Variants in AFAP1L2 observed in about 807,000 individuals in gnomAD.
The protein encoded by AFAP1L2 is actin filament-associated protein 1-like 2.
Under a neutral mutation model 99.3 loss-of-function variants are expected in AFAP1L2, and 46 were observed. That is an observed-to-expected ratio of 0.46 (90% CI 0.37 to 0.59). The LOEUF (loss-of-function observed/expected upper bound fraction) is 0.59, where lower values mean the gene tolerates loss of function less well. Among genes scored for constraint, AFAP1L2 ranks in the 20% least tolerant of loss-of-function variants. The pLI is 0.00. For synonymous variants in AFAP1L2, 397 were observed against 419.1 expected, an observed-to-expected ratio of 0.95 and a Z score of 0.64; for missense variants, 959 against 1,034.9, an observed-to-expected ratio of 0.93 and a Z score of 1.01.
intron 1 of AFAP1L2, among the ~76,000 whole-genome samples, chr10:114,395,727 G>A (rs2138196208): frequency 6.6e-6 from 1 of 152,232 alleles, no homozygotes; most frequent in East Asian, 1.9e-4. Context: ...GTGTGCCCAG[G>A]CAGCCCAGGG....
chr10:114,333,857 G>A (rs1218156760), intron 2 of AFAP1L2, among the ~76,000 whole-genome samples: 1 of 152,136 alleles, frequency 6.6e-6, no homozygotes, highest in African/African-American at 2.4e-5. Context: ...TTCAAGATCT[G>A]CCTTGTATTC....
At chr10:114,308,309 T>A in intron 9 of AFAP1L2, 124 bp downstream of exon 9, 1 of 785,320 alleles carries the variant, frequency 1.3e-6, no homozygotes, top group Non-Finnish European at 2.1e-6. Context: ...AACAGCAGTA[T>A]TTCCGAGTGG....
intron 1 of AFAP1L2, among the ~76,000 whole-genome samples, chr10:114,349,452 G>A (rs1225770310): frequency 6.6e-6 from 1 of 150,896 alleles, no homozygotes; most frequent in Non-Finnish European, 1.5e-5. Flanking sequence ...AGCCAGGTGT[G>A]GTGGCATGCA....
At chr10:114,382,115 T>G (rs2055709446) in intron 1 of AFAP1L2, among the ~76,000 whole-genome samples, 1 of 152,228 alleles carries the variant, frequency 6.6e-6, no homozygotes, top group Non-Finnish European at 1.5e-5. Context: ...GTAACATCTT[T>G]GCAAATTGTA....
intron 1 of AFAP1L2, among the ~76,000 whole-genome samples, chr10:114,368,725 T>G (rs1203077400): frequency 6.6e-6 from 1 of 151,358 alleles, no homozygotes; most frequent in East Asian, 1.9e-4. Flanking sequence ...AATGTATTGT[T>G]TACTTGAAAT....
intron 7 of AFAP1L2, among the ~76,000 whole-genome samples, chr10:114,313,068 T>G (rs1590058893): frequency 7.3e-6 from 1 of 137,742 alleles, no homozygotes; most frequent in Non-Finnish European, 1.5e-5. Context: ...TGGGGTGGGG[T>G]GCGGGGTGGA....
intron 1 of AFAP1L2, chr10:114,363,283 C>G (rs1172140198): frequency 3.2e-6 from 2 of 633,818 alleles, no homozygotes; most frequent in East Asian, 1.4e-4. Flanking sequence ...TAACATGTAG[C>G]CTGCAGAATT....
intron 1 of AFAP1L2, among the ~76,000 whole-genome samples, chr10:114,346,665 C>T (rs983144873): frequency 6.6e-5 from 10 of 152,232 alleles, no homozygotes; most frequent in Admixed American, 3.9e-4. Flanking sequence ...GTCTCTTCCT[C>T]GTCCTCCTGT....
intron 1 of AFAP1L2, among the ~76,000 whole-genome samples, chr10:114,394,280 T>C (rs146411064): frequency 2.0e-3 from 298 of 152,270 alleles, no homozygotes; most frequent in African/African-American, 6.8e-3. Flanking sequence ...AGTGAACAAA[T>C]TCCATTGAGG....
chr10:114,301,795 T>G, intron 12 of AFAP1L2: 1 of 360,156 alleles, frequency 2.8e-6, no homozygotes, highest in Non-Finnish European at 5.2e-6. Context: ...AAACCCCTTC[T>G]CATTTCATCT....
the AFAP1L2 span, among the ~76,000 whole-genome samples, chr10:114,285,400 A>G: frequency 6.6e-6 from 1 of 152,256 alleles, no homozygotes; most frequent in African/African-American, 2.4e-5. Flanking sequence ...GGTGGTTGAG[A>G]GTTTTAAATA....
the AFAP1L2 span, chr10:114,281,392 G>A: frequency 1.3e-5 from 2 of 152,318 alleles, no homozygotes; most frequent in Non-Finnish European, 2.9e-5. Context: ...TGGAGTCATG[G>A]TCAGGGTTTG....
intron 1 of AFAP1L2, among the ~76,000 whole-genome samples, chr10:114,391,221 C>T (rs1179303241): frequency 3.3e-5 from 5 of 151,200 alleles, no homozygotes; most frequent in Non-Finnish European, 7.4e-5. Context: ...TCTTTCTTTT[C>T]TTTTTTTCTT....
intron 7 of AFAP1L2, among the ~76,000 whole-genome samples, chr10:114,313,020 C>T (rs986059956): frequency 5.9e-5 from 9 of 151,752 alleles, no homozygotes; most frequent in Admixed American, 2.0e-4. Context: ...CTGACAGGCT[C>T]GCCAAGGTGG....
chr10:114,294,871 A>C lies in AFAP1L2; in HGVS notation c.*1171T>G. 1 of 982,884 alleles carries C rather than the reference A, an allele frequency of 1.0e-6. No homozygotes were observed. The highest frequency in any genetic ancestry group is 1.2e-6 in the Non-Finnish European group (1 of 827,358). The allele number at this position is 982,884 out of a possible 1,614,324, so 60.9% of individuals were successfully genotyped here. A position where few individuals can be genotyped will look rare whatever the true frequency, so the allele number is the denominator to read the frequency against. On this transcript the variant is annotated 3_prime_UTR_variant, in exon 19 of 19. Transcript: ENST00000304129. ...TTTTAAAAAACCTAACTAACTCACC[A>C]CTTGGTAAAAGGTCACCAAATGTTT... is the stretch of plus-strand genomic sequence containing the variant.
chr10:114,376,279 A>G (rs1269345751), intron 1 of AFAP1L2, among the ~76,000 whole-genome samples: 2 of 152,224 alleles, frequency 1.3e-5, no homozygotes, highest in East Asian at 3.9e-4. Context: ...CTATGACCAG[A>G]CCTTGTGCTC....
At chr10:114,327,437 CTG>C (rs1482781549) in intron 4 of AFAP1L2, among the ~76,000 whole-genome samples, 2 of 151,728 alleles carry the variant, frequency 1.3e-5, no homozygotes, top group East Asian at 3.9e-4. Flanking sequence ...TACAGGAAGA[CTG>C]TGAATATTAA....
intron 1 of AFAP1L2, among the ~76,000 whole-genome samples, chr10:114,386,031 T>G: frequency 6.6e-6 from 1 of 151,834 alleles, no homozygotes; most frequent in East Asian, 1.9e-4. Flanking sequence ...CACTACCAGA[T>G]GTGGGCAGCC....
At chr10:114,384,000 C>T (rs191738369) in intron 1 of AFAP1L2, among the ~76,000 whole-genome samples, 11 of 152,194 alleles carry the variant, frequency 7.2e-5, no homozygotes, top group African/African-American at 1.4e-4. Context: ...CTGCCCCTAG[C>T]GCTTCTCCCT....
Sources: gnomAD v4.1 joint callset for allele counts (sites outside exome capture counted in the v4.1 genomes callset) on GRCh38, gnomAD v4.1.1 for gene constraint, MANE v1.5 for transcripts, NCBI Gene and HGNC (gene_info 2026-07-23, HGNC 2026-07-21) for gene names.